Variants in KCNT2 observed in about 807,000 individuals in gnomAD.
KCNT2 encodes potassium channel subfamily T member 2.
A neutral mutation model predicts 153.8 loss-of-function variants in KCNT2; 67 were observed. That is an observed-to-expected ratio of 0.44 (90% confidence interval 0.36 to 0.53). The LOEUF (loss-of-function observed/expected upper bound fraction) is 0.53. Ranked by LOEUF, KCNT2 falls within the 20% of genes least tolerant of loss-of-function variation. The probability of loss-of-function intolerance (pLI) is 0.00; values close to 1 mark genes in which losing one functional copy is unlikely to be tolerated. For missense variants in KCNT2, 975 were observed against 1,354.8 expected (o/e 0.72, Z 4.40); for synonymous variants, 500 against 458.8 (o/e 1.09, Z -1.15).
At chr1:196,590,424 T>C (rs896044434) in intron 1 of KCNT2, among the ~76,000 whole-genome samples, 9 of 152,174 alleles carry the variant, frequency 5.9e-5, no homozygotes, top group Admixed American at 5.2e-4. Flanking sequence ...TGGCTTGTTA[T>C]AAGAAAGAGA....
intron 5 of KCNT2, among the ~76,000 whole-genome samples, chr1:196,473,027 C>T (rs1387430422): frequency 1.3e-5 from 2 of 152,158 alleles, no homozygotes; most frequent in Non-Finnish European, 2.9e-5. Flanking sequence ...ACTTCTCCAA[C>T]CTTATTTTAA....
In KCNT2 at chr1:196,308,673, A is replaced by G. The variant is rs546312044; in HGVS notation, c.2484-3328T>C. On this transcript the variant is annotated intron_variant, in intron 21 of 27. Transcript: ENST00000294725. ...GATGAGGAAACTGAGGACCAAAGAG[A>G]CAAAATAGTATGTTCAAGGTAACAT... Among the ~76,000 whole-genome samples the G allele has an allele frequency of 7.9e-5, 12 of 152,136 alleles. No homozygotes were observed. The East Asian group carries it at 2.3e-3, about 30-fold the overall frequency.
rs75784218 is a variant in KCNT2 at position 196,403,213 on chromosome 1, A to G, written c.1186-4542T>C. Among the ~76,000 whole-genome samples the G allele has an allele frequency of 4.9e-3, 748 of 151,770 alleles. 5 individuals carry two copies. Among genetic ancestry groups the G allele is most frequent in the African/African-American group, 0.017 (703 of 41,464 alleles). On this transcript the variant is annotated intron_variant, in intron 12 of 27. Transcript: ENST00000294725. ...GGATAAACCGTGCCACATCCATACAATGGAATATTTGGCAATGCAAAGAAA... is the reference window on the plus strand; with the variant it reads ...GGATAAACCGTGCCACATCCATACAGTGGAATATTTGGCAATGCAAAGAAA...
intron 19 of KCNT2, among the ~76,000 whole-genome samples, chr1:196,325,238 T>A (rs1039456903): frequency 9.9e-5 from 15 of 152,154 alleles, no homozygotes; most frequent in African/African-American, 3.6e-4. Context: ...ATCAGAAAGA[T>A]GCTGTAAGCA....
chr1:196,483,229 A>C (rs767025765), intron 3 of KCNT2, among the ~76,000 whole-genome samples: 2 of 152,182 alleles, frequency 1.3e-5, no homozygotes, highest in African/African-American at 4.8e-5. Flanking sequence ...CTTCTCCTGC[A>C]TCTGTAAATA....
At chr1:196,348,976 C>T (rs1666380260) in intron 14 of KCNT2, among the ~76,000 whole-genome samples, 1 of 151,918 alleles carries the variant, frequency 6.6e-6, no homozygotes, top group Admixed American at 6.6e-5. Context: ...GAAAGAATCC[C>T]CTAGATCTCT....
At chr1:196,410,502 G>A (rs1187619758) in intron 12 of KCNT2, among the ~76,000 whole-genome samples, 1 of 151,212 alleles carries the variant, frequency 6.6e-6, no homozygotes, top group Non-Finnish European at 1.5e-5. Context: ...CACAAACATA[G>A]CACACATACA....
chr1:196,599,762 G>A (rs1298630058), intron 1 of KCNT2, among the ~76,000 whole-genome samples: 2 of 152,176 alleles, frequency 1.3e-5, no homozygotes, highest in Non-Finnish European at 2.9e-5. Context: ...AAAAGACTAA[G>A]ATAAATACGT....
At chr1:196,338,990 C>T (rs1226828209) in intron 16 of KCNT2, among the ~76,000 whole-genome samples, 1 of 109,694 alleles carries the variant, frequency 9.1e-6, no homozygotes, top group Non-Finnish European at 1.8e-5. Context: ...AGGAGAAAAA[C>T]GGTGTTGAAT....
At chr1:196,525,947 G>A (rs1654125929) in intron 1 of KCNT2, among the ~76,000 whole-genome samples, 1 of 151,824 alleles carries the variant, frequency 6.6e-6, no homozygotes, top group South Asian at 2.1e-4. Flanking sequence ...TAGTAGTTTA[G>A]TATTCACTAA....
At chr1:196,429,898 A>C in intron 8 of KCNT2, 141 bp from the exon 9 acceptor site, 1 of 599,852 alleles carries the variant, frequency 1.7e-6, no homozygotes, top group Non-Finnish European at 2.9e-6. Context: ...TTTTTCTAGG[A>C]AAGATATAAT....
chr1:196,453,709 C>T lies in KCNT2; in HGVS notation c.638+11584G>A, dbSNP rs1676414125. 2.0e-5 allele frequency among the ~76,000 whole-genome samples: 3 copies of T among 151,962 alleles called. No homozygotes were observed. The South Asian group carries it at 6.2e-4, about 31-fold the overall frequency. ...TCACGTGTCACCACAAATGTTACTC[C>T]TTAGAGCCTTCTTTCACCAAACTAT... On this transcript the variant is annotated intron_variant, in intron 8 of 27. Transcript: ENST00000294725.
chr1:196,325,746 T>C (rs1663784419), intron 19 of KCNT2, among the ~76,000 whole-genome samples: 1 of 152,112 alleles, frequency 6.6e-6, no homozygotes, highest in Non-Finnish European at 1.5e-5. Flanking sequence ...ATTCTTCAAA[T>C]GAAAATTCTA....
intron 1 of KCNT2, among the ~76,000 whole-genome samples, chr1:196,547,144 T>G (rs762761479): frequency 1.3e-5 from 2 of 151,968 alleles, no homozygotes; most frequent in Non-Finnish European, 2.9e-5. Flanking sequence ...TCACACTTCC[T>G]TGTGGAGAGA....
chr1:196,470,864 A>ATTTC (rs1243483779), intron 5 of KCNT2, among the ~76,000 whole-genome samples: 5 of 137,724 alleles, frequency 3.6e-5, no homozygotes, highest in East Asian at 2.3e-4. Context: ...ATTGACCCTA[A>ATTTC]TTTCTTTCTT....
chr1:196,322,077 C>T (rs947157904), intron 19 of KCNT2, among the ~76,000 whole-genome samples: 2 of 151,802 alleles, frequency 1.3e-5, no homozygotes, highest in Non-Finnish European at 2.9e-5. Context: ...TACATTATGT[C>T]CCCAAAGTAC....
In KCNT2 at chr1:196,326,839, A is replaced by G. The variant is rs769795462; in HGVS notation, c.2154T>C (p.Asn718=). 4 of 1,587,214 alleles carry G rather than the reference A, an allele frequency of 2.5e-6. No homozygotes were observed. Among genetic ancestry groups the G allele is most frequent in the African/African-American group, 2.7e-5 (2 of 72,912 alleles). ...TTTCAGCTGCAACTATAATTAGTTT[A>G]TTTTTGAATCCATAGGCTTTTGCAT... ...YEDAKAYGFK[N]KLIIVAAETA... is the part of the protein sequence containing the mutation. Residue 718 remains asparagine, a synonymous_variant, in exon 19 of 28, where the codon AAT becomes AAC. Transcript: ENST00000294725.
chr1:196,262,518 T>C (rs1234638996), intron 25 of KCNT2, among the ~76,000 whole-genome samples: 1 of 151,942 alleles, frequency 6.6e-6, no homozygotes, highest in South Asian at 2.1e-4. Context: ...ATATTTTCCA[T>C]TAAGTAAAGG....
intron 25 of KCNT2, among the ~76,000 whole-genome samples, chr1:196,280,247 A>G (rs981862228): frequency 6.6e-6 from 1 of 152,192 alleles, no homozygotes; most frequent in African/African-American, 2.4e-5. Flanking sequence ...TCAAATCAAA[A>G]TGCAAATATG....
Sources: allele counts gnomAD v4.1 joint callset (sites outside exome capture counted in the v4.1 genomes callset), GRCh38; gene constraint gnomAD v4.1.1; transcripts MANE v1.5; gene names NCBI Gene and HGNC (gene_info 2026-07-23, HGNC 2026-07-21).